The following HEMK1 variants were observed in gnomAD, a reference collection of about 807,000 sequenced individuals.
HEMK1 encodes MTRF1L release factor glutamine methyltransferase.
A neutral mutation model predicts 47.9 loss-of-function variants in HEMK1; 36 were observed. That is an observed-to-expected ratio of 0.75 (90% CI 0.58 to 0.99). The LOEUF (loss-of-function observed/expected upper bound fraction) is 0.99. HEMK1 is among the 50% of genes least tolerant of loss of function. The pLI is 0.00. For synonymous variants in HEMK1, 153 were observed against 165.4 expected (o/e 0.93, Z 0.57); for missense variants, 383 against 434.5 (o/e 0.88, Z 1.05).
At chr3:50,579,779 A>T in intron 8 of HEMK1, 65 bp from the exon 9 acceptor site, 9 of 1,204,760 alleles carry the variant, frequency 7.5e-6, no homozygotes, top group Non-Finnish European at 1.1e-5. Context: ...GGCCTTGCCC[A>T]TGCCCTCCAT....
chr3:50,577,941 C>T, intron 7 of HEMK1, 66 bp downstream of exon 7: 1 of 1,452,258 alleles, frequency 6.9e-7, no homozygotes, highest in Non-Finnish European at 9.7e-7. Flanking sequence ...GTGGATGAGG[C>T]ACTCCGTGGA....
At position 50,594,654 on chromosome 3, in the gene HEMK1, C is replaced by T. The variant is rs1248597666; in HGVS notation, c.*14237C>T. 6.6e-6 allele frequency: 1 copy of T among 152,314 alleles called. No individual in the cohort carries two copies. Among genetic ancestry groups the T allele is most frequent in the African/African-American group, 2.4e-5 (1 of 41,466 alleles). 9.4% of individuals were successfully genotyped at this position (152,314 alleles called of 1,614,324 possible). On this transcript the variant is annotated 3_prime_UTR_variant, in exon 11 of 11. Transcript: ENST00000232854. ...TAACCAAAAGTGCCTGAGAGCTAAT[C>T]CCCTGGAGCAGCCTGAAACCAAGGA...
rs1206316865 is a variant in HEMK1, at chr3:50,589,752, C to T, written c.*9335C>T. On this transcript the variant is annotated 3_prime_UTR_variant, in exon 11 of 11. Coordinates refer to ENST00000232854, the MANE Select transcript of HEMK1 (RefSeq NM_016173.5). ...TCTGTACTAAAAATACAAAAATTAGCCGGGTGTGGTGGCTCACGCCTGTAA... is the reference window on the plus strand; with the variant it reads ...TCTGTACTAAAAATACAAAAATTAGTCGGGTGTGGTGGCTCACGCCTGTAA... 1 of 152,126 alleles carries T rather than the reference C, an allele frequency of 6.6e-6. No individual in the cohort carries two copies. The highest frequency in any genetic ancestry group is 2.1e-4 in the South Asian group (1 of 4,838). The allele number at this position is 152,126 out of a possible 1,614,324, so 9.4% of individuals were successfully genotyped here.
intron 4 of HEMK1, among the ~76,000 whole-genome samples, chr3:50,572,663 C>T (rs1701139089): frequency 6.6e-6 from 1 of 152,234 alleles, no homozygotes; most frequent in Non-Finnish European, 1.5e-5. Context: ...CATCTCTGGG[C>T]CCAGATGATG....
rs964833442 is a variant in HEMK1 at position 50,569,532 on chromosome 3, A to C, written c.-217A>C. ...CACGTCCGGGCGTCCAGTTCGGGGCAGCTTCTCCGGCTGGTGGGTGGGTGG... is the reference window on the plus strand; with the variant it reads ...CACGTCCGGGCGTCCAGTTCGGGGCCGCTTCTCCGGCTGGTGGGTGGGTGG... On this transcript the variant is annotated 5_prime_UTR_variant, in exon 1 of 11. Transcript: ENST00000232854. The C allele has an allele frequency of 6.7e-6, 1 of 148,724 alleles. No individual in the cohort carries two copies. The highest frequency in any genetic ancestry group is 2.1e-4 in the South Asian group (1 of 4,770). The allele number at this position is 148,724 out of a possible 1,614,324, so 9.2% of individuals were successfully genotyped here.
chr3:50,578,447 T>TACC (rs1261021852), intron 7 of HEMK1, among the ~76,000 whole-genome samples: 1 of 152,250 alleles, frequency 6.6e-6, no homozygotes, highest in Non-Finnish European at 1.5e-5. Flanking sequence ...AGGCCAGGCC[T>TACC]ACCCTCCATG....
upstream of HEMK1, chr3:50,569,320 T>A (rs1700613631): frequency 6.6e-6 from 1 of 152,308 alleles, no homozygotes; most frequent in South Asian, 2.1e-4. Flanking sequence ...CGCACTTTCC[T>A]GTATGCAGGC....
Position 50,577,587 on chromosome 3 carries a change from T to C in HEMK1, c.614+14T>C. On this transcript the variant is annotated intron_variant, in intron 6 of 10. Coordinates refer to ENST00000232854, the MANE Select transcript of HEMK1 (RefSeq NM_016173.5). Reference sequence around the variant, plus strand: ...GAATGCTCAGAGGTAGGTGGGGGAGTTGCACTTTGGGGCCTAATCTTGACT... The same window carrying C: ...GAATGCTCAGAGGTAGGTGGGGGAGCTGCACTTTGGGGCCTAATCTTGACT... 1.9e-6 allele frequency: 3 copies of C among 1,612,334 alleles called. No homozygotes were observed. Among genetic ancestry groups the C allele is most frequent in the Non-Finnish European group, 2.5e-6 (3 of 1,178,696 alleles).
rs541184117 is a variant in HEMK1 at position 50,580,013 on chromosome 3, T to C, written c.866+74T>C. 4.6e-6 allele frequency: 7 copies of C among 1,530,150 alleles called. No homozygotes were observed. The East Asian group carries it at 1.1e-4, about 25-fold the overall frequency. 94.8% of individuals were successfully genotyped at this position (1,530,150 alleles called of 1,614,324 possible). On this transcript the variant is annotated intron_variant, in intron 9 of 10. Transcript: ENST00000232854. ...CTCCTAATGTGTACTGGGCAGGCCC[T>C]GGCAGAGGTCAGCACAGGACCCTCA...
intron 4 of HEMK1, 123 bp downstream of exon 4, chr3:50,572,331 G>C: frequency 5.3e-6 from 5 of 948,244 alleles, no homozygotes; most frequent in Non-Finnish European, 7.9e-6. Context: ...TGCCTTTCTA[G>C]ACATGTATTT....
At chr3:50,580,252 C>G in intron 10 of HEMK1, 23 bp downstream of exon 10, 1 of 1,607,984 alleles carries the variant, frequency 6.2e-7, no homozygotes, top group Non-Finnish European at 8.5e-7. Context: ...CCCCCTTTAG[C>G]CCTGTAGCAT....
rs1421085098 is a variant in HEMK1, at chr3:50,589,582, G to C, written c.*9165G>C. The C allele has an allele frequency of 1.3e-5, 2 of 152,184 alleles. No individual in the cohort carries two copies. Among genetic ancestry groups the C allele is most frequent in the Admixed American group, 6.5e-5 (1 of 15,270 alleles). The allele number at this position is 152,184 out of a possible 1,614,324, so 9.4% of individuals were successfully genotyped here. On this transcript the variant is annotated 3_prime_UTR_variant, in exon 11 of 11. Coordinates refer to ENST00000232854, the MANE Select transcript of HEMK1 (RefSeq NM_016173.5). ...CCACTGCACTCCAGCCTGGACATCA[G>C]AGTCAGACCCTGTCTCTAAAAAAAT...
rs931421794 is a variant in HEMK1, at chr3:50,583,939, T to C, written c.*3522T>C. 1 of 152,396 alleles carries C rather than the reference T, an allele frequency of 6.6e-6. No homozygotes were observed. Among genetic ancestry groups the C allele is most frequent in the East Asian group, 1.9e-4 (1 of 5,192 alleles). The allele number at this position is 152,396 out of a possible 1,614,324, so 9.4% of individuals were successfully genotyped here. A position where few individuals can be genotyped will look rare whatever the true frequency, so the allele number is the denominator to read the frequency against. On this transcript the variant is annotated 3_prime_UTR_variant, in exon 11 of 11. Transcript: ENST00000232854. ...CATACCCAAGTTCAGTAAATGTCTA[T>C]CAGTAAGCTGATGGTACATGCATTT...
At chr3:50,579,818 T>A in intron 8 of HEMK1, 26 bp from the exon 9 acceptor site, 1 of 1,566,664 alleles carries the variant, frequency 6.4e-7, no homozygotes, top group Non-Finnish European at 8.8e-7. Flanking sequence ...TCTCAGGCTG[T>A]CACCTCCCAC....
In HEMK1 at chr3:50,572,219, C is replaced by T. The variant is rs201228293; in HGVS notation, c.414+11C>T. On this transcript the variant is annotated intron_variant, in intron 4 of 10. Coordinates refer to ENST00000232854, the MANE Select transcript of HEMK1 (RefSeq NM_016173.5). ...CGGCCAGAAACAGAGGTAGGTGTGC[C>T]ACCAGGGCAAGGCAGGATCAGGATG... 2.5e-6 allele frequency: 4 copies of T among 1,610,982 alleles called. No homozygotes were observed. In the East Asian group the frequency reaches 8.9e-5, roughly 36 times the overall value.
chr3:50,581,364 A>C lies in HEMK1; in HGVS notation c.*947A>C, dbSNP rs1173786398. On this transcript the variant is annotated 3_prime_UTR_variant, in exon 11 of 11. Transcript: ENST00000232854. ...GTGAGCCTACATCAGGGTGGGTCCT[A>C]AGAAACATGGCAAACCAGGCTGTCT... The C allele has an allele frequency of 1.3e-5, 2 of 152,218 alleles. No homozygotes were observed. Among genetic ancestry groups the C allele is most frequent in the Admixed American group, 1.3e-4 (2 of 15,280 alleles). 9.4% of individuals were successfully genotyped at this position (152,218 alleles called of 1,614,324 possible).
chr3:50,595,323 CAG>C lies in HEMK1; in HGVS notation c.*14909_*14910del, dbSNP rs2031918950. 2 of 152,176 alleles carry C rather than the reference CAG, an allele frequency of 1.3e-5. No homozygotes were observed. Among genetic ancestry groups the C allele is most frequent in the Admixed American group, 1.3e-4 (2 of 15,282 alleles). 9.4% of individuals were successfully genotyped at this position (152,176 alleles called of 1,614,324 possible). The stretch of plus-strand genomic sequence containing the variant: ...TATTGTTTACAGTAACGGCAGTAGA[CAG>C]AGTAAAAGCATTTTCTTGCACCACT... On this transcript the variant is annotated 3_prime_UTR_variant, in exon 11 of 11. Coordinates refer to ENST00000232854, the MANE Select transcript of HEMK1 (RefSeq NM_016173.5).
At chr3:50,572,086 T>C (rs774653655) in intron 3 of HEMK1, 29 bp from the exon 4 acceptor site, 6 of 1,612,052 alleles carry the variant, frequency 3.7e-6, no homozygotes, top group Non-Finnish European at 5.1e-6. Flanking sequence ...GCTCTGTCCC[T>C]GATGACCACC....
chr3:50,577,099 T>C lies in HEMK1; in HGVS notation c.462T>C (p.Ala154=), dbSNP rs1245321887. ...VLEEVAQRSH[A]VGSPGSPLIL... ...AAGAGGTGGCCCAGAGGTCCCATGC[T>C]GTGGGATCCCCAGGCAGCCCCCTCA... The change falls in exon 5 of 11, where the codon GCT becomes GCC. Residue 154 remains alanine (A), a synonymous_variant. Coordinates refer to ENST00000232854, the MANE Select transcript of HEMK1 (RefSeq NM_016173.5). The C allele has an allele frequency of 6.2e-7, 1 of 1,613,936 alleles. No homozygotes were observed. The highest frequency in any genetic ancestry group is 8.5e-7 in the Non-Finnish European group (1 of 1,179,938).
Sources: allele counts gnomAD v4.1 joint callset (sites outside exome capture counted in the v4.1 genomes callset), GRCh38; gene constraint gnomAD v4.1.1; transcripts MANE v1.5; gene names NCBI Gene and HGNC (gene_info 2026-07-23, HGNC 2026-07-21).